Variants in CDH23 observed in about 807,000 individuals in gnomAD.
CDH23 encodes cadherin-23.
Under a neutral mutation model 317.1 loss-of-function variants are expected in CDH23, and 189 were observed. That is an observed-to-expected ratio of 0.60 (90% CI 0.53 to 0.67). The LOEUF (loss-of-function observed/expected upper bound fraction) is 0.67. Ranked by LOEUF, CDH23 falls within the 30% of genes least tolerant of loss-of-function variation. The pLI, the probability that CDH23 is intolerant of heterozygous loss-of-function variation, is 0.00. For missense variants in CDH23, 4,401 were observed against 4,592.4 expected, an observed-to-expected ratio of 0.96 and a Z score of 1.20; for synonymous variants, 1,839 against 1,876.8, an observed-to-expected ratio of 0.98 and a Z score of 0.52.
chr10:71,677,920 C>T (rs1046400775), intron 16 of CDH23, among the ~76,000 whole-genome samples: 5 of 152,238 alleles, frequency 3.3e-5, no homozygotes, highest in Non-Finnish European at 5.9e-5. Flanking sequence ...CTTGAGCCAC[C>T]GTGCCTAGCC....
At chr10:71,702,452 A>T (rs780851818) in intron 23 of CDH23, 97 bp from the exon 24 acceptor site, 37 of 1,493,958 alleles carry the variant, frequency 2.5e-5, no homozygotes, top group Non-Finnish European at 3.4e-5. Context: ...GAGGGCTCTG[A>T]ATCTGCCACC....
rs1343508697 is a variant in CDH23 at position 71,739,641 on chromosome 10, C to T, written c.4360-3C>T. The T allele has an allele frequency of 1.2e-6, 2 of 1,612,674 alleles. No homozygotes were observed. The highest frequency in any genetic ancestry group is 8.5e-7 in the Non-Finnish European group (1 of 1,179,356). On this transcript the variant is annotated splice_region_variant and splice_polypyrimidine_tract_variant and intron_variant, in intron 35 of 69. Coordinates refer to ENST00000224721, the MANE Select transcript of CDH23 (RefSeq NM_022124.6). ...CACCCCTCACCCTCTCTTCTCCCCA[C>T]AGGTGGTCTTCTCCCTGGCCTCTGG...
chr10:71,740,716 G>T (rs1321335168), intron 36 of CDH23, 106 bp from the exon 37 acceptor site: 1 of 1,491,276 alleles, frequency 6.7e-7, no homozygotes, highest in East Asian at 2.3e-5. Context: ...GAGTCTCTTT[G>T]CCCTCCCAAA....
At chr10:71,514,004 G>A (rs1009941949) in intron 6 of CDH23, among the ~76,000 whole-genome samples, 1 of 151,982 alleles carries the variant, frequency 6.6e-6, no homozygotes. Context: ...GGCAAATCCA[G>A]GTCTATCTAA....
Position 71,725,431 on chromosome 10 carries a change from C to G in CDH23, c.3490C>G (p.Arg1164Gly), listed in dbSNP as rs553544669. 3 of 1,613,916 alleles carry G rather than the reference C, an allele frequency of 1.9e-6. No homozygotes were observed. Among genetic ancestry groups the G allele is most frequent in the Non-Finnish European group, 1.7e-6 (2 of 1,179,894 alleles). The change falls in exon 30 of 70, where the codon CGG becomes GGG. Residue 1164 changes from arginine to glycine, a missense_variant. By Grantham distance (125) the Arg-to-Gly change is moderately radical. Transcript: ENST00000224721. ...VSNGLLMRGP[R>G]PLDRERNSSH... The stretch of plus-strand genomic sequence containing the variant: ...CAATGGGCTCCTGATGCGAGGGCCC[C>G]GGCCCCTGGACCGGGAGCGGAACTC...
chr10:71,427,226 AAAG>A (rs1332802585), intron 1 of CDH23, among the ~76,000 whole-genome samples: 1 of 73,040 alleles, frequency 1.4e-5, no homozygotes, highest in Non-Finnish European at 2.9e-5. Flanking sequence ...AGAAAGAAAG[AAAG>A]AAAGAAAGAA....
At chr10:71,579,882 G>A (rs1198881740) in intron 9 of CDH23, among the ~76,000 whole-genome samples, 1 of 152,220 alleles carries the variant, frequency 6.6e-6, no homozygotes, top group African/African-American at 2.4e-5. Context: ...ATGGAGCTGG[G>A]GAGCCAGGAC....
chr10:71,758,902 C>T (rs1451848770), intron 38 of CDH23, among the ~76,000 whole-genome samples: 1 of 152,184 alleles, frequency 6.6e-6, no homozygotes, highest in Non-Finnish European at 1.5e-5. Context: ...CAGAGTCTCG[C>T]TCTGTCACCC....
chr10:71,699,082 A>C (rs1865494211), intron 22 of CDH23, among the ~76,000 whole-genome samples: 1 of 152,234 alleles, frequency 6.6e-6, no homozygotes, highest in African/African-American at 2.4e-5. Flanking sequence ...CACCATCATC[A>C]CTATCATTAC....
chr10:71,772,921 G>A (rs930648089), intron 38 of CDH23, among the ~76,000 whole-genome samples: 4 of 152,180 alleles, frequency 2.6e-5, no homozygotes, highest in African/African-American at 4.8e-5. Context: ...AGCATACCAC[G>A]CCCTCTGTGT....
At chr10:71,624,734 C>CTATTAT (rs57038733) in intron 11 of CDH23, among the ~76,000 whole-genome samples, 10,486 of 146,136 alleles carry the variant, frequency 0.072, 584 homozygotes, top group African/African-American at 0.15. Flanking sequence ...TAGACATTAG[C>CTATTAT]TATTATTATT....
At chr10:71,663,751 G>T (rs562947438) in intron 14 of CDH23, among the ~76,000 whole-genome samples, 1 of 152,336 alleles carries the variant, frequency 6.6e-6, no homozygotes, top group Admixed American at 6.5e-5. Context: ...GATTAAATCA[G>T]TGAGCATTAC....
chr10:71,646,002 T>C (rs1446373253), intron 13 of CDH23, 22 bp downstream of exon 13: 1 of 1,605,734 alleles, frequency 6.2e-7, no homozygotes, highest in Admixed American at 1.7e-5. Flanking sequence ...CTCACTGGCA[T>C]TTTGGAGTGG....
intron 9 of CDH23, among the ~76,000 whole-genome samples, chr10:71,611,204 C>G (rs1431703230): frequency 6.6e-6 from 1 of 152,112 alleles, no homozygotes; most frequent in Non-Finnish European, 1.5e-5. Flanking sequence ...GAGGGGAGGA[C>G]GTGGAAGTGA....
At chr10:71,626,496 G>T (rs1194201853) in intron 11 of CDH23, among the ~76,000 whole-genome samples, 2 of 152,166 alleles carry the variant, frequency 1.3e-5, no homozygotes, top group African/African-American at 2.4e-5. Context: ...CTGAGCCCCA[G>T]AAATGTACAC....
intron 53 of CDH23, among the ~76,000 whole-genome samples, chr10:71,802,458 C>T (rs1314553338): frequency 1.1e-4 from 16 of 152,270 alleles, no homozygotes; most frequent in Admixed American, 3.3e-4. Flanking sequence ...GCCAAGTCTC[C>T]GGCCAGACAC....
chr10:71,584,519 C>T (rs1212778658), intron 9 of CDH23, among the ~76,000 whole-genome samples: 3 of 139,090 alleles, frequency 2.2e-5, no homozygotes, highest in Admixed American at 7.3e-5. Flanking sequence ...CATGAAAATA[C>T]ACTGATTGCT....
At position 71,806,209 on chromosome 10, in the gene CDH23, C is replaced by A; in HGVS notation, c.8106C>A (p.Tyr2702Ter). 1.3e-6 allele frequency: 2 copies of A among 1,578,714 alleles called. No homozygotes were observed. The highest frequency in any genetic ancestry group is 1.7e-6 in the Non-Finnish European group (2 of 1,162,510). The change falls in exon 57 of 70, where the codon TAC becomes TAA. Residue 2702 changes from tyrosine to a stop codon, truncating the protein, a stop_gained. Transcript: ENST00000224721. LOFTEE classifies it high-confidence loss of function. The stretch of plus-strand genomic sequence containing the variant: ...GCGACCTGGGCCAGCCAGTGCCATA[C>A]GAGACTATGCAGCCGCTGCAGGTGG... ...VASDLGQPVPYETMQPLQVAL... is the reference protein window; with the variant it reads ...VASDLGQPVP
intron 48 of CDH23, chr10:71,795,764 G>A: frequency 1.0e-6 from 1 of 975,048 alleles, no homozygotes; most frequent in Non-Finnish European, 1.2e-6. Flanking sequence ...GCCCTGCTCT[G>A]CTCCATCCCT....
Sources: allele counts gnomAD v4.1 joint callset (sites outside exome capture counted in the v4.1 genomes callset), GRCh38; gene constraint gnomAD v4.1.1; transcripts MANE v1.5; gene names NCBI Gene and HGNC (gene_info 2026-07-23, HGNC 2026-07-21).